SLC35F3: variants seen among roughly 807,000 people sequenced by gnomAD.
The protein encoded by SLC35F3 is putative thiamine transporter SLC35F3.
Under a neutral mutation model 49.9 loss-of-function variants are expected in SLC35F3, and 25 were observed. The ratio of observed to expected loss-of-function variants is 0.50; its 90% CI spans 0.37 to 0.70. The LOEUF is 0.70. Ranked by LOEUF, SLC35F3 falls within the 30% of genes least tolerant of loss-of-function variation. The pLI is 0.00. For synonymous variants in SLC35F3, 275 were observed against 265.4 expected (o/e 1.04, Z -0.35); for missense variants, 525 against 639.8 (o/e 0.82, Z 1.94).
intron 7 of SLC35F3, among the ~76,000 whole-genome samples, chr1:234,322,687 ACTAT>A (rs1319081822): frequency 1.7e-4 from 20 of 118,616 alleles, no homozygotes; most frequent in African/African-American, 5.6e-4. Flanking sequence ...GTGTGTGTGT[ACTAT>A]CTATCTCTCA....
intron 3 of SLC35F3, among the ~76,000 whole-genome samples, chr1:234,299,380 G>T (rs1668656429): frequency 6.6e-6 from 1 of 152,088 alleles, no homozygotes; most frequent in South Asian, 2.1e-4. Context: ...AGTAAAGGGG[G>T]AAAAACAGAA....
intron 2 of SLC35F3, among the ~76,000 whole-genome samples, chr1:233,979,416 C>T (rs1453063977): frequency 2.0e-5 from 3 of 152,208 alleles, no homozygotes; most frequent in Non-Finnish European, 2.9e-5. Context: ...GCCTTTCAGA[C>T]AGCATGATAT....
Position 234,078,488 on chromosome 1 carries a change from G to A in SLC35F3, c.284-152929G>A, listed in dbSNP as rs77941563. ...TCAGTCTTCAGTGAACTCATCTTCC[G>A]CAACAGTCAGCCCTGTTGATCCCCC... is the stretch of plus-strand genomic sequence containing the variant. On this transcript the variant is annotated intron_variant, in intron 2 of 7. Coordinates refer to ENST00000366618, the MANE Select transcript of SLC35F3 (RefSeq NM_173508.4). Among the ~76,000 whole-genome samples, 1,078 of 152,200 alleles carry A rather than the reference G, an allele frequency of 7.1e-3. 11 individuals are homozygous for A. The highest frequency in any genetic ancestry group is 0.023 in the African/African-American group (970 of 41,510).
intron 2 of SLC35F3, among the ~76,000 whole-genome samples, chr1:233,953,774 T>C (rs956399889): frequency 1.3e-5 from 2 of 151,920 alleles, no homozygotes; most frequent in Non-Finnish European, 2.9e-5. Flanking sequence ...TTAGGAACAA[T>C]GACATAGAAT....
chr1:234,105,083 G>A (rs1007016853), intron 2 of SLC35F3, among the ~76,000 whole-genome samples: 6 of 148,900 alleles, frequency 4.0e-5, no homozygotes, highest in South Asian at 2.1e-4. Context: ...AGCCGAGATC[G>A]TGCCACTGCA....
intron 2 of SLC35F3, among the ~76,000 whole-genome samples, chr1:234,141,233 G>C (rs1204131824): frequency 6.6e-6 from 1 of 152,100 alleles, no homozygotes; most frequent in East Asian, 1.9e-4. Flanking sequence ...GATAATTAGG[G>C]AGTTTTATAA....
chr1:234,164,424 C>T (rs7547339), intron 2 of SLC35F3, among the ~76,000 whole-genome samples: 3 of 149,320 alleles, frequency 2.0e-5, no homozygotes, highest in Admixed American at 6.7e-5. Context: ...TTTCTTTTTC[C>T]TCTCCCTCTC....
chr1:234,307,878 G>A (rs983683044), intron 3 of SLC35F3, among the ~76,000 whole-genome samples: 8 of 152,162 alleles, frequency 5.3e-5, no homozygotes, highest in Non-Finnish European at 1.0e-4. Context: ...CTCCCCAACA[G>A]TCAAGGAAAG....
Position 234,230,148 on chromosome 1 carries a change from CATT to C in SLC35F3, c.284-1266_284-1264del, listed in dbSNP as rs1393377370. On this transcript the variant is annotated intron_variant, in intron 2 of 7. Transcript: ENST00000366618. ...TGAAACAGTTTGGCCCAATAAAGTACATTATCTCTCTTTGACTAACCATGTAAT... is the reference window on the plus strand; with the variant it reads ...TGAAACAGTTTGGCCCAATAAAGTACATCTCTCTTTGACTAACCATGTAAT... Among the ~76,000 whole-genome samples the C allele has an allele frequency of 8.5e-5, 13 of 152,320 alleles. No homozygotes were observed. The South Asian group carries it at 1.0e-3, about 12-fold the overall frequency.
intron 2 of SLC35F3, among the ~76,000 whole-genome samples, chr1:234,057,929 A>T (rs1572035478): frequency 6.6e-6 from 1 of 151,884 alleles, no homozygotes; most frequent in Non-Finnish European, 1.5e-5. Context: ...CTGGTCTCGA[A>T]CTCCTGACCT....
chr1:234,230,145 G>A (rs368550814), intron 2 of SLC35F3, among the ~76,000 whole-genome samples: 38 of 152,310 alleles, frequency 2.5e-4, no homozygotes, highest in African/African-American at 7.9e-4. Flanking sequence ...GCCCAATAAA[G>A]TACATTATCT....
chr1:234,169,476 G>A (rs778351632), intron 2 of SLC35F3, among the ~76,000 whole-genome samples: 2 of 152,332 alleles, frequency 1.3e-5, no homozygotes. Flanking sequence ...TTCTGGGATT[G>A]TGTCACAACG....
intron 2 of SLC35F3, among the ~76,000 whole-genome samples, chr1:234,145,163 C>T (rs1036240707): frequency 6.6e-6 from 1 of 152,150 alleles, no homozygotes. Flanking sequence ...AGGGTGATAC[C>T]AGTTTTGAAG....
intron 2 of SLC35F3, among the ~76,000 whole-genome samples, chr1:234,149,709 G>A (rs1045388826): frequency 1.3e-5 from 2 of 152,134 alleles, no homozygotes; most frequent in Non-Finnish European, 2.9e-5. Flanking sequence ...AAGAATATAA[G>A]CTGTCTCAGA....
intron 2 of SLC35F3, among the ~76,000 whole-genome samples, chr1:234,006,057 A>G (rs1663626028): frequency 6.6e-6 from 1 of 152,184 alleles, no homozygotes; most frequent in African/African-American, 2.4e-5. Context: ...ATACTTCAGA[A>G]GAAACAGAAT....
intron 2 of SLC35F3, among the ~76,000 whole-genome samples, chr1:234,173,516 A>C (rs1324413879): frequency 6.6e-6 from 1 of 152,150 alleles, no homozygotes; most frequent in Non-Finnish European, 1.5e-5. Context: ...CCACACCCTT[A>C]TCTCTCAAAC....
chr1:234,029,091 G>A (rs954417603), intron 2 of SLC35F3, among the ~76,000 whole-genome samples: 3 of 152,078 alleles, frequency 2.0e-5, no homozygotes, highest in Admixed American at 6.5e-5. Flanking sequence ...TCTTTCATTC[G>A]AAAAACATCG....
In SLC35F3 at chr1:234,088,626, G is replaced by T. The variant is rs73106437; in HGVS notation, c.284-142791G>T. 6.7e-3 allele frequency among the ~76,000 whole-genome samples: 1,022 copies of T among 152,272 alleles called. 11 individuals carry two copies. Among genetic ancestry groups the T allele is most frequent in the African/African-American group, 0.023 (967 of 41,546 alleles). On this transcript the variant is annotated intron_variant, in intron 2 of 7. Coordinates refer to ENST00000366618, the MANE Select transcript of SLC35F3 (RefSeq NM_173508.4). The stretch of plus-strand genomic sequence containing the variant: ...AATTAAAATATTTTCAGTTTAGTTT[G>T]TCTAGTACTTTTTAAGCATGCATTT...
intron 2 of SLC35F3, among the ~76,000 whole-genome samples, chr1:233,936,601 T>C: frequency 6.6e-6 from 1 of 151,748 alleles, no homozygotes; most frequent in Non-Finnish European, 1.5e-5. Flanking sequence ...TTCTTCCCTG[T>C]CTTCTTCCTC....
Sources: allele counts gnomAD v4.1 joint callset (sites outside exome capture counted in the v4.1 genomes callset), GRCh38; gene constraint gnomAD v4.1.1; transcripts MANE v1.5; gene names NCBI Gene and HGNC (gene_info 2026-07-23, HGNC 2026-07-21).